The following RHOBTB1 variants were observed in gnomAD, a reference collection of about 807,000 sequenced individuals.
RHOBTB1 encodes the protein Rho related BTB domain containing 1, also known as rho-related BTB domain-containing protein 1.
A neutral mutation model predicts 71.6 loss-of-function variants in RHOBTB1; 40 were observed. The ratio of observed to expected loss-of-function variants is 0.56; its 90% confidence interval spans 0.43 to 0.73. The LOEUF is 0.73. RHOBTB1 is among the 30% of genes least tolerant of loss of function. The pLI is 0.00. For missense variants in RHOBTB1, 797 were observed against 894.0 expected, an observed-to-expected ratio of 0.89 and a Z score of 1.38; for synonymous variants, 319 against 334.9, an observed-to-expected ratio of 0.95 and a Z score of 0.52.
chr10:60,865,273 T>C (rs1033528622), downstream of RHOBTB1, among the ~76,000 whole-genome samples: 1 of 152,246 alleles, frequency 6.6e-6, no homozygotes, highest in Non-Finnish European at 1.5e-5. Context: ...AGATTTCATA[T>C]GTAAAATAAA....
intron 1 of RHOBTB1, among the ~76,000 whole-genome samples, chr10:60,986,983 T>C (rs184657503): frequency 6.0e-4 from 91 of 152,198 alleles, no homozygotes; most frequent in African/African-American, 2.1e-3. Context: ...TCCAGGCCAG[T>C]TGCTGCTCAT....
At chr10:60,999,940 G>T (rs182430833) in intron 1 of RHOBTB1, among the ~76,000 whole-genome samples, 333 of 152,264 alleles carry the variant, frequency 2.2e-3, no homozygotes, top group African/African-American at 7.5e-3. Flanking sequence ...TTATTTCAAA[G>T]TTTCATAGGA....
At chr10:60,862,289 C>A in the RHOBTB1 span, among the ~76,000 whole-genome samples, 1 of 152,016 alleles carries the variant, frequency 6.6e-6, no homozygotes, top group African/African-American at 2.4e-5. Context: ...CTTTTACCAC[C>A]TGGATACAAG....
At chr10:60,950,668 G>T (rs1216896273) in intron 2 of RHOBTB1, among the ~76,000 whole-genome samples, 2 of 152,180 alleles carry the variant, frequency 1.3e-5, no homozygotes, top group Non-Finnish European at 2.9e-5. Context: ...GTGACTAAAT[G>T]AAATGATGTT....
intron 2 of RHOBTB1, among the ~76,000 whole-genome samples, chr10:60,916,287 T>C (rs547689365): frequency 3.9e-5 from 6 of 152,242 alleles, no homozygotes; most frequent in South Asian, 2.1e-4. Context: ...AGAATTCACA[T>C]TGAAAACCGC....
chr10:60,997,026 G>A (rs997164223), intron 1 of RHOBTB1, among the ~76,000 whole-genome samples: 1 of 150,736 alleles, frequency 6.6e-6, no homozygotes, highest in African/African-American at 2.4e-5. Flanking sequence ...TGCTTGATTT[G>A]AGCCAATATC....
intron 1 of RHOBTB1, among the ~76,000 whole-genome samples, chr10:60,987,665 C>T (rs2086711825): frequency 6.6e-6 from 1 of 152,154 alleles, no homozygotes. Context: ...TAGTCTTTTT[C>T]TTAAACCTCA....
At chr10:60,862,176 CTTTTCTTTT>C in the RHOBTB1 span, among the ~76,000 whole-genome samples, 6 of 146,814 alleles carry the variant, frequency 4.1e-5, no homozygotes, top group South Asian at 8.7e-4. Flanking sequence ...CTCTTTCTTT[CTTTTCTTTT>C]TTTTCTTTTC....
chr10:60,984,955 C>T (rs1391043074), intron 2 of RHOBTB1, among the ~76,000 whole-genome samples: 1 of 152,112 alleles, frequency 6.6e-6, no homozygotes, highest in Non-Finnish European at 1.5e-5. Context: ...AACAGGTCTC[C>T]TTAAGGACTT....
chr10:60,974,041 C>T (rs1261603029), intron 2 of RHOBTB1, among the ~76,000 whole-genome samples: 1 of 151,902 alleles, frequency 6.6e-6, no homozygotes, highest in Admixed American at 6.6e-5. Context: ...AAAAAATAGT[C>T]ATCAGAATTT....
At chr10:60,868,285 ATCTC>A (rs1437289569), downstream of RHOBTB1, among the ~76,000 whole-genome samples, 4 of 152,226 alleles carry the variant, frequency 2.6e-5, no homozygotes, top group Non-Finnish European at 4.4e-5. Context: ...TCTATCTTCT[ATCTC>A]TCTATCTATC....
At chr10:60,979,888 T>G (rs974532291) in intron 2 of RHOBTB1, among the ~76,000 whole-genome samples, 1 of 152,132 alleles carries the variant, frequency 6.6e-6, no homozygotes, top group Non-Finnish European at 1.5e-5. Flanking sequence ...TGAAGAAAAG[T>G]GTCCCAGACA....
chr10:60,911,682 T>C (rs1002530557), intron 2 of RHOBTB1, 130 bp from the exon 3 acceptor site: 13 of 734,658 alleles, frequency 1.8e-5, no homozygotes, highest in South Asian at 1.7e-4. Flanking sequence ...CAGGAAAGAA[T>C]GTTTGGAAGT....
chr10:60,980,013 A>G (rs1344870565), intron 2 of RHOBTB1, among the ~76,000 whole-genome samples: 2 of 152,186 alleles, frequency 1.3e-5, no homozygotes, highest in Non-Finnish European at 2.9e-5. Flanking sequence ...GAGGTCAGGC[A>G]GGTCACTGCT....
At chr10:60,888,066 A>C (rs2081678341) in intron 6 of RHOBTB1, 146 bp downstream of exon 6, 1 of 911,864 alleles carries the variant, frequency 1.1e-6, no homozygotes, top group Non-Finnish European at 1.6e-6. Flanking sequence ...TAAAGAAGTT[A>C]ATGCCTGTAG....
intron 7 of RHOBTB1, among the ~76,000 whole-genome samples, chr10:60,880,232 A>G (rs2132390760): frequency 6.7e-6 from 1 of 148,446 alleles, no homozygotes; most frequent in African/African-American, 2.5e-5. Flanking sequence ...AGAGAGAGAG[A>G]GAGAGAGACA....
intron 4 of RHOBTB1, among the ~76,000 whole-genome samples, chr10:60,908,398 G>A (rs1475694433): frequency 6.6e-6 from 1 of 152,150 alleles, no homozygotes; most frequent in East Asian, 1.9e-4. Flanking sequence ...ATGCCTCAAA[G>A]TTTATGTCTT....
At chr10:60,959,020 C>T (rs1173688113) in intron 2 of RHOBTB1, among the ~76,000 whole-genome samples, 1 of 152,106 alleles carries the variant, frequency 6.6e-6, no homozygotes, top group African/African-American at 2.4e-5. Context: ...TATATACAAA[C>T]AATAGTACAT....
chr10:60,991,738 A>G (rs1401854710), intron 1 of RHOBTB1, among the ~76,000 whole-genome samples: 2 of 151,980 alleles, frequency 1.3e-5, no homozygotes. Flanking sequence ...ACCTTCCCTC[A>G]GTCTTTCATG....
Sources: gnomAD v4.1 joint callset for allele counts (sites outside exome capture counted in the v4.1 genomes callset) on GRCh38, gnomAD v4.1.1 for gene constraint, MANE v1.5 for transcripts, NCBI Gene and HGNC (gene_info 2026-07-23, HGNC 2026-07-21) for gene names.